Variants in PRDM5 observed in about 807,000 individuals in gnomAD.
PRDM5 encodes PR/SET domain 5.
A neutral mutation model predicts 81.2 loss-of-function variants in PRDM5; 56 were observed. The observed-to-expected ratio is 0.69, with a 90% CI of 0.56 to 0.86. The LOEUF (loss-of-function observed/expected upper bound fraction) is 0.86, where lower values mean the gene tolerates loss of function less well. PRDM5 is among the 40% of genes least tolerant of loss of function. PRDM5 has a pLI of 0.00. For synonymous variants in PRDM5, 267 were observed against 256.4 expected, an observed-to-expected ratio of 1.04 and a Z score of -0.39; for missense variants, 697 against 770.1, an observed-to-expected ratio of 0.91 and a Z score of 1.12.
At chr4:120,685,581 T>C (rs1733797925) in intron 1 of PRDM5, among the ~76,000 whole-genome samples, 1 of 152,116 alleles carries the variant, frequency 6.6e-6, no homozygotes, top group African/African-American at 2.4e-5. Context: ...GGGAGGTTTC[T>C]AAGCAGCATA....
downstream of PRDM5, among the ~76,000 whole-genome samples, chr4:120,690,092 C>T (rs1197624972): frequency 6.6e-6 from 1 of 152,060 alleles, no homozygotes; most frequent in Non-Finnish European, 1.5e-5. Context: ...ATTTAGTTTC[C>T]AACCAGTTTT....
chr4:120,809,682 C>T (rs1753557203), intron 8 of PRDM5, among the ~76,000 whole-genome samples: 1 of 152,140 alleles, frequency 6.6e-6, no homozygotes, highest in Non-Finnish European at 1.5e-5. Flanking sequence ...CATATAGCAT[C>T]ATCTACTGGC....
chr4:120,917,711 T>C (rs1337734127), intron 1 of PRDM5, among the ~76,000 whole-genome samples: 4 of 150,710 alleles, frequency 2.7e-5, no homozygotes, highest in Non-Finnish European at 1.5e-5. Context: ...CCAAGGTAGA[T>C]ACAGGAATTT....
chr4:120,891,401 T>C (rs931003359), intron 2 of PRDM5, among the ~76,000 whole-genome samples: 1 of 152,172 alleles, frequency 6.6e-6, no homozygotes, highest in African/African-American at 2.4e-5. Context: ...TTTCTGATTG[T>C]GCTAATTTAA....
chr4:120,903,089 A>G (rs925257512), intron 2 of PRDM5, among the ~76,000 whole-genome samples: 32 of 152,214 alleles, frequency 2.1e-4, no homozygotes, highest in Middle Eastern at 3.2e-3. Flanking sequence ...GCTCTCTCAC[A>G]TGACATCATT....
At chr4:120,740,805 T>C (rs906575884) in intron 14 of PRDM5, among the ~76,000 whole-genome samples, 2 of 152,182 alleles carry the variant, frequency 1.3e-5, no homozygotes, top group African/African-American at 4.8e-5. Flanking sequence ...GAACTGATAA[T>C]GTCACTCCTC....
In PRDM5 at chr4:120,883,106, T is replaced by C. The variant is rs535065908; in HGVS notation, c.177+24368A>G. ...TGCTTAAGGTTAAATTAGTTTCTTT[T>C]AAAGTGTTATTGTAGGAAACATGAA... On this transcript the variant is annotated intron_variant, in intron 2 of 15. Transcript: ENST00000264808. Among the ~76,000 whole-genome samples the C allele has an allele frequency of 2.0e-5, 3 of 152,354 alleles. No homozygotes were observed. The South Asian group carries it at 6.2e-4, about 32-fold the overall frequency.
chr4:120,740,165 T>C (rs187915349), intron 14 of PRDM5, among the ~76,000 whole-genome samples: 218 of 152,288 alleles, frequency 1.4e-3, no homozygotes, highest in South Asian at 3.9e-3. Context: ...CCAAGAAATA[T>C]ATGGGTTCTA....
At chr4:120,714,243 G>A (rs1334133562) in intron 14 of PRDM5, among the ~76,000 whole-genome samples, 1 of 152,072 alleles carries the variant, frequency 6.6e-6, no homozygotes, top group Non-Finnish European at 1.5e-5. Flanking sequence ...GACTGAATAT[G>A]ACTACTTTTC....
At chr4:120,907,378 T>C in intron 2 of PRDM5, 96 bp downstream of exon 2, 1 of 1,035,048 alleles carries the variant, frequency 9.7e-7, no homozygotes, top group South Asian at 1.4e-5. Context: ...ACTTAAATAC[T>C]TAACTGGAAT....
chr4:120,698,870 C>T (rs1734900147), intron 15 of PRDM5, among the ~76,000 whole-genome samples: 1 of 152,016 alleles, frequency 6.6e-6, no homozygotes, highest in Admixed American at 6.6e-5. Context: ...ACTGCCACCA[C>T]CTTAGTCAGA....
At chr4:120,719,049 G>C (rs1009154792) in intron 14 of PRDM5, among the ~76,000 whole-genome samples, 3 of 152,142 alleles carry the variant, frequency 2.0e-5, no homozygotes, top group African/African-American at 7.2e-5. Flanking sequence ...CCTTAGACAA[G>C]GCACAGAGTA....
chr4:120,868,029 G>A (rs1447918927), intron 2 of PRDM5, among the ~76,000 whole-genome samples: 2 of 152,132 alleles, frequency 1.3e-5, no homozygotes, highest in Admixed American at 1.3e-4. Flanking sequence ...TCATGAATAT[G>A]CATAATATTT....
intron 10 of PRDM5, among the ~76,000 whole-genome samples, chr4:120,793,164 A>T (rs1476471750): frequency 1.3e-5 from 2 of 152,100 alleles, no homozygotes; most frequent in Non-Finnish European, 2.9e-5. Context: ...CACTCACATT[A>T]CCGCCTGAGC....
intron 9 of PRDM5, 51 bp downstream of exon 9, chr4:120,799,610 G>T (rs1023632549): frequency 1.3e-6 from 2 of 1,591,948 alleles, no homozygotes; most frequent in African/African-American, 1.4e-5. Flanking sequence ...AAGTGACAAT[G>T]TAATTTTTTT....
chr4:120,858,863 A>G (rs1316031350), intron 2 of PRDM5, among the ~76,000 whole-genome samples: 1 of 152,240 alleles, frequency 6.6e-6, no homozygotes, highest in African/African-American at 2.4e-5. Context: ...TTCAAGTGGA[A>G]GAAAATCATT....
intron 13 of PRDM5, 52 bp downstream of exon 13, chr4:120,777,136 C>T: frequency 6.2e-7 from 1 of 1,612,320 alleles, no homozygotes; most frequent in African/African-American, 1.3e-5. Context: ...GTCTTGGAAG[C>T]ATGTGATTTC....
chr4:120,746,530 C>A (rs1332895064), intron 14 of PRDM5, among the ~76,000 whole-genome samples: 1 of 134,538 alleles, frequency 7.4e-6, no homozygotes, highest in Non-Finnish European at 1.6e-5. Context: ...TCGCAACCTA[C>A]TCATCTGACA....
At chr4:120,811,277 C>A in intron 8 of PRDM5, 93 bp downstream of exon 8, 3 of 777,552 alleles carry the variant, frequency 3.9e-6, no homozygotes, top group South Asian at 2.3e-5. Flanking sequence ...CTTTTCACAT[C>A]AAAATAACTT....
Sources: gnomAD v4.1 joint callset for allele counts (sites outside exome capture counted in the v4.1 genomes callset) on GRCh38, gnomAD v4.1.1 for gene constraint, MANE v1.5 for transcripts, NCBI Gene and HGNC (gene_info 2026-07-23, HGNC 2026-07-21) for gene names.